Variants in GRM7 observed in about 807,000 individuals in gnomAD.
GRM7 encodes metabotropic glutamate receptor 7.
Under a neutral mutation model 84.5 loss-of-function variants are expected in GRM7, and 35 were observed. The ratio of observed to expected loss-of-function variants is 0.41; its 90% CI spans 0.32 to 0.55. GRM7 has a LOEUF of 0.55. Among genes scored for constraint, GRM7 ranks in the 20% least tolerant of loss-of-function variants. GRM7 has a pLI of 0.19. For missense variants in GRM7, 1,003 were observed against 1,194.6 expected, an observed-to-expected ratio of 0.84 and a Z score of 2.36; for synonymous variants, 487 against 455.1, an observed-to-expected ratio of 1.07 and a Z score of -0.89.
intron 5 of GRM7, among the ~76,000 whole-genome samples, chr3:7,427,994 C>A (rs1399556813): frequency 6.6e-6 from 1 of 152,098 alleles, no homozygotes; most frequent in Non-Finnish European, 1.5e-5. Context: ...GGTTGAGACC[C>A]CTCATAGGGA....
intron 8 of GRM7, among the ~76,000 whole-genome samples, chr3:7,676,385 T>C (rs1254554877): frequency 1.3e-5 from 2 of 152,208 alleles, no homozygotes; most frequent in African/African-American, 4.8e-5. Flanking sequence ...CTACATATAG[T>C]CATGTGCCAC....
At chr3:7,077,015 A>G (rs1698108585) in intron 1 of GRM7, among the ~76,000 whole-genome samples, 1 of 152,186 alleles carries the variant, frequency 6.6e-6, no homozygotes, top group Admixed American at 6.5e-5. Flanking sequence ...AATCAAAACC[A>G]CGGTGAGATA....
At chr3:7,397,632 C>A (rs945317734) in intron 4 of GRM7, among the ~76,000 whole-genome samples, 1 of 152,110 alleles carries the variant, frequency 6.6e-6, no homozygotes, top group Non-Finnish European at 1.5e-5. Flanking sequence ...TTGATCATTG[C>A]ACATTGCATG....
intron 7 of GRM7, chr3:7,561,326 T>C (rs1308557534): frequency 7.1e-6 from 2 of 281,900 alleles, no homozygotes; most frequent in Non-Finnish European, 1.5e-5. Flanking sequence ...TTTAGTGTGA[T>C]TTATACACAA....
At chr3:7,720,597 G>T (rs1701912171) in intron 9 of GRM7, among the ~76,000 whole-genome samples, 1 of 152,192 alleles carries the variant, frequency 6.6e-6, no homozygotes, top group South Asian at 2.1e-4. Context: ...CTGAATGAGT[G>T]CTCCCTGAGC....
At chr3:7,599,834 GT>G (rs1166157902) in intron 8 of GRM7, among the ~76,000 whole-genome samples, 1 of 151,992 alleles carries the variant, frequency 6.6e-6, no homozygotes. Flanking sequence ...GGAACGCTTG[GT>G]TTTCAGACTC....
intron 1 of GRM7, among the ~76,000 whole-genome samples, chr3:7,041,300 A>G (rs2124941551): frequency 6.6e-6 from 1 of 152,170 alleles, no homozygotes; most frequent in African/African-American, 2.4e-5. Context: ...GACTCCTTCC[A>G]CCTTCCCATT....
At chr3:7,130,644 A>G (rs1340666684) in intron 1 of GRM7, among the ~76,000 whole-genome samples, 3 of 151,934 alleles carry the variant, frequency 2.0e-5, no homozygotes, top group Non-Finnish European at 4.4e-5. Context: ...GTTAAAATAC[A>G]GCTAGTGGTG....
chr3:7,398,760 C>A (rs866514273), intron 4 of GRM7, among the ~76,000 whole-genome samples: 1 of 151,984 alleles, frequency 6.6e-6, no homozygotes, highest in Non-Finnish European at 1.5e-5. Context: ...GACATAAGAG[C>A]CTTAAACCTA....
chr3:7,049,765 C>A (rs141563053), intron 1 of GRM7, among the ~76,000 whole-genome samples: 1 of 151,882 alleles, frequency 6.6e-6, no homozygotes, highest in East Asian at 1.9e-4. Context: ...GAGCTGAGAA[C>A]TAACAGATTA....
At chr3:7,344,891 A>G (rs185639284) in intron 4 of GRM7, among the ~76,000 whole-genome samples, 2 of 152,270 alleles carry the variant, frequency 1.3e-5, no homozygotes, top group African/African-American at 4.8e-5. Flanking sequence ...AATTCATTGT[A>G]TATTTTCAAA....
chr3:7,336,281 A>T (rs1701417790), intron 4 of GRM7, among the ~76,000 whole-genome samples: 1 of 152,070 alleles, frequency 6.6e-6, no homozygotes, highest in Non-Finnish European at 1.5e-5. Context: ...AAACAGAATT[A>T]AAAACAAAAT....
intron 5 of GRM7, among the ~76,000 whole-genome samples, chr3:7,421,803 G>GT (rs1696405266): frequency 6.7e-6 from 1 of 149,382 alleles, no homozygotes; most frequent in South Asian, 2.1e-4. Context: ...GAGCTCTTCA[G>GT]TTTTTTGTTT....
At chr3:7,660,480 AAT>A (rs1699392616) in intron 8 of GRM7, among the ~76,000 whole-genome samples, 1 of 152,240 alleles carries the variant, frequency 6.6e-6, no homozygotes, top group Admixed American at 6.5e-5. Context: ...AAAATTATAA[AAT>A]ATTTGTGAAA....
At chr3:7,435,691 T>G (rs1475885838) in intron 5 of GRM7, among the ~76,000 whole-genome samples, 1 of 137,378 alleles carries the variant, frequency 7.3e-6, no homozygotes, top group Admixed American at 7.3e-5. Flanking sequence ...TTTTTTTTTT[T>G]TTTTTTTTTT....
At chr3:6,896,043 A>G (rs1696170965) in intron 1 of GRM7, among the ~76,000 whole-genome samples, 1 of 152,102 alleles carries the variant, frequency 6.6e-6, no homozygotes, top group South Asian at 2.1e-4. Context: ...CAATGCAAAT[A>G]TTTTCCTATG....
intron 1 of GRM7, among the ~76,000 whole-genome samples, chr3:7,123,574 G>A (rs952549054): frequency 6.6e-6 from 1 of 151,922 alleles, no homozygotes; most frequent in Non-Finnish European, 1.5e-5. Flanking sequence ...AACTGAGATT[G>A]CCCCACTGTA....
At chr3:7,170,157 C>T (rs917940860) in intron 2 of GRM7, among the ~76,000 whole-genome samples, 20 of 152,178 alleles carry the variant, frequency 1.3e-4, no homozygotes, top group African/African-American at 4.3e-4. Context: ...AGCATGTTCT[C>T]TCCATCTGGA....
At chr3:6,891,029 GT>G (rs200545187) in intron 1 of GRM7, among the ~76,000 whole-genome samples, 3,498 of 152,164 alleles carry the variant, frequency 0.023, 140 homozygotes, top group African/African-American at 0.078. Context: ...TTTAAAGTCT[GT>G]TTTATCAGAG....
Sources: gnomAD v4.1 joint callset for allele counts (sites outside exome capture counted in the v4.1 genomes callset) on GRCh38, gnomAD v4.1.1 for gene constraint, MANE v1.5 for transcripts, NCBI Gene and HGNC (gene_info 2026-07-23, HGNC 2026-07-21) for gene names.